The following LIMCH1 variants were observed in gnomAD, a reference collection of about 807,000 sequenced individuals.
LIMCH1 encodes LIM and calponin homology domains 1, also known as LIM and calponin homology domains-containing protein 1.
Under a neutral mutation model 176.5 loss-of-function variants are expected in LIMCH1, and 113 were observed. The observed-to-expected ratio is 0.64, with a 90% CI of 0.55 to 0.75. The LOEUF is 0.75. Among genes scored for constraint, LIMCH1 ranks in the 30% least tolerant of loss-of-function variants. The pLI, the probability that LIMCH1 is intolerant of heterozygous loss-of-function variation, is 0.00. For synonymous variants in LIMCH1, 619 were observed against 645.9 expected (o/e 0.96, Z 0.63); for missense variants, 1,674 against 1,814.9 (o/e 0.92, Z 1.41).
At chr4:41,574,213 G>C (rs1010268685) in intron 1 of LIMCH1, among the ~76,000 whole-genome samples, 3 of 127,176 alleles carry the variant, frequency 2.4e-5, no homozygotes, top group Admixed American at 9.1e-5. Context: ...TCTTGATTTT[G>C]ACTTATATCC....
At chr4:41,673,237 T>C (rs572271359) in intron 22 of LIMCH1, among the ~76,000 whole-genome samples, 1 of 152,288 alleles carries the variant, frequency 6.6e-6, no homozygotes, top group Non-Finnish European at 1.5e-5. Flanking sequence ...GAAGCTGAGT[T>C]CATTGATGAT....
chr4:41,560,051 C>A (rs985172791), intron 1 of LIMCH1, among the ~76,000 whole-genome samples: 1 of 152,156 alleles, frequency 6.6e-6, no homozygotes, highest in Non-Finnish European at 1.5e-5. Context: ...CCACTTTATT[C>A]TGTCCAAACT....
Position 41,661,278 on chromosome 4 carries a change from G to T in LIMCH1, c.3037-142G>T, listed in dbSNP as rs889970596. ...CTCCTTCCAACCAATCCAGGCTCTC[G>T]CCATGAAGCTGCCTGGGAAGTAGAA... On this transcript the variant is annotated intron_variant, in intron 18 of 31. Coordinates refer to ENST00000503057, the MANE Select transcript of LIMCH1 (RefSeq NM_001330672.2). 6 of 641,644 alleles carry T rather than the reference G, an allele frequency of 9.4e-6. No homozygotes were observed. The South Asian group carries it at 1.0e-4, about 11-fold the overall frequency. The allele number at this position is 641,644 out of a possible 1,614,324, so 39.7% of individuals were successfully genotyped here.
chr4:41,468,393 C>T (rs975184701), intron 1 of LIMCH1, among the ~76,000 whole-genome samples: 4 of 132,762 alleles, frequency 3.0e-5, no homozygotes, highest in African/African-American at 8.4e-5. Context: ...TCCCTCCCTC[C>T]CTTCCTCCCT....
In LIMCH1 at chr4:41,560,962, A is replaced by T. The variant is rs146179455; in HGVS notation, c.-241+22612A>T. ...AGTCCAGGAGGTCAAGGCTGCCGTG[A>T]GCCATGATTACAGCACTGCACTCCA... On this transcript the variant is annotated intron_variant, in intron 1 of 31. Transcript: ENST00000503057. 1.8e-3 allele frequency among the ~76,000 whole-genome samples: 271 copies of T among 151,820 alleles called. 2 individuals are homozygous for T. The highest frequency in any genetic ancestry group is 6.3e-3 in the African/African-American group (259 of 41,374).
chr4:41,551,460 ATGGTCAATAC>A (rs2080407741), intron 1 of LIMCH1: 1 of 152,102 alleles, frequency 6.6e-6, no homozygotes, highest in Non-Finnish European at 1.5e-5. Context: ...TCAAATTCAA[ATGGTCAATAC>A]TGGGCATCTT....
In LIMCH1 at chr4:41,366,149, A is replaced by G. The variant is rs531147327; in HGVS notation, c.96+5213A>G. On this transcript the variant is annotated intron_variant, in intron 1 of 26. Transcript: ENST00000313860. ...AGCTTAAAAGCATCATAGTTGGGGGATAACATGATGATAAAAATTATGTTA... is the reference window on the plus strand; with the variant it reads ...AGCTTAAAAGCATCATAGTTGGGGGGTAACATGATGATAAAAATTATGTTA... Among the ~76,000 whole-genome samples, 90 of 152,294 alleles carry G rather than the reference A, an allele frequency of 5.9e-4. 1 individual carries two copies. Among genetic ancestry groups the G allele is most frequent in the Non-Finnish European group, 1.1e-3 (75 of 68,024 alleles).
At chr4:41,463,898 G>A (rs930985835) in intron 1 of LIMCH1, among the ~76,000 whole-genome samples, 1 of 151,854 alleles carries the variant, frequency 6.6e-6, no homozygotes, top group Non-Finnish European at 1.5e-5. Flanking sequence ...ACATTTTTTT[G>A]TAGGGATGAG....
chr4:41,693,364 C>T (rs540604084), intron 31 of LIMCH1: 2 of 152,124 alleles, frequency 1.3e-5, no homozygotes, highest in Admixed American at 6.5e-5. Flanking sequence ...TGTTTTATAG[C>T]TATAGATTTA....
chr4:41,422,439 C>T (rs552470900), intron 1 of LIMCH1, among the ~76,000 whole-genome samples: 34 of 152,194 alleles, frequency 2.2e-4, no homozygotes, highest in Non-Finnish European at 3.8e-4. Context: ...CTGCCTGCCT[C>T]GGCCTCCCAA....
intron 18 of LIMCH1, among the ~76,000 whole-genome samples, chr4:41,659,810 TATTTA>T (rs1367697950): frequency 2.0e-5 from 3 of 152,168 alleles, no homozygotes; most frequent in Non-Finnish European, 4.4e-5. Flanking sequence ...ATCTAGCTAG[TATTTA>T]ATTTAACATT....
chr4:41,583,143 G>A (rs1245990577), intron 1 of LIMCH1, among the ~76,000 whole-genome samples: 1 of 152,154 alleles, frequency 6.6e-6, no homozygotes, highest in African/African-American at 2.4e-5. Flanking sequence ...ATCTGTGAGG[G>A]TAGGCACACT....
chr4:41,653,552 C>T (rs1057122167), intron 18 of LIMCH1, among the ~76,000 whole-genome samples: 1 of 152,218 alleles, frequency 6.6e-6, no homozygotes, highest in Non-Finnish European at 1.5e-5. Flanking sequence ...CCAACAGATA[C>T]ACTCTCTACA....
chr4:41,468,360 C>CCTCT (rs1413503631), intron 1 of LIMCH1, among the ~76,000 whole-genome samples: 1 of 95,042 alleles, frequency 1.1e-5, no homozygotes, highest in Non-Finnish European at 2.2e-5. Flanking sequence ...CTCCTCCCTC[C>CCTCT]CTCCCTCCCC....
chr4:41,520,348 C>T (rs142541688), intron 2 of LIMCH1, among the ~76,000 whole-genome samples: 63 of 152,228 alleles, frequency 4.1e-4, no homozygotes, highest in Non-Finnish European at 8.7e-4. Context: ...CTGCCTGGAA[C>T]GCTTGTCCTC....
chr4:41,633,347 C>T (rs1473132939), intron 12 of LIMCH1, among the ~76,000 whole-genome samples: 1 of 152,220 alleles, frequency 6.6e-6, no homozygotes, highest in Admixed American at 6.5e-5. Flanking sequence ...AGAAAGGGAC[C>T]CCCATTCCTG....
intron 1 of LIMCH1, among the ~76,000 whole-genome samples, chr4:41,581,678 C>G (rs1466016242): frequency 2.0e-5 from 3 of 151,910 alleles, no homozygotes; most frequent in African/African-American, 4.8e-5. Flanking sequence ...TGGTGGCATG[C>G]ACCTGTAGTC....
intron 1 of LIMCH1, among the ~76,000 whole-genome samples, chr4:41,595,542 G>A (rs1285799586): frequency 6.6e-6 from 1 of 152,152 alleles, no homozygotes; most frequent in Non-Finnish European, 1.5e-5. Context: ...AGTACCTGCT[G>A]TGTATGGCTG....
rs534887649 is a variant in LIMCH1, at chr4:41,547,661, A to AATATATACATATATAATATATGTATGTT, written c.-241+9330_-241+9357dup. 2.9e-3 allele frequency among the ~76,000 whole-genome samples: 427 copies of AATATATACATATATAATATATGTATGTT among 146,518 alleles called. 1 individual carries two copies. The highest frequency in any genetic ancestry group is 9.8e-3 in the African/African-American group (394 of 40,338). On this transcript the variant is annotated intron_variant, in intron 1 of 31. Transcript: ENST00000503057. Reference sequence around the variant, plus strand: ...TACATATATAATATATACAGATATAAATATATACATATATAATATATGTAT... The same window carrying AATATATACATATATAATATATGTATGTT: ...TACATATATAATATATACAGATATAAATATATACATATATAATATATGTATGTTATATATACATATATAATATATGTAT...
Sources: gnomAD v4.1 joint callset for allele counts (sites outside exome capture counted in the v4.1 genomes callset) on GRCh38, gnomAD v4.1.1 for gene constraint, MANE v1.5 for transcripts, NCBI Gene and HGNC (gene_info 2026-07-23, HGNC 2026-07-21) for gene names.